Variants in SLIT3 observed in about 807,000 individuals in gnomAD.
The protein encoded by SLIT3 is slit homolog 3 protein.
SLIT3 carries 68 observed loss-of-function variants against 184.0 expected under a neutral mutation model. The observed-to-expected ratio is 0.37, with a 90% CI of 0.30 to 0.45. SLIT3 has a LOEUF of 0.45. Ranked by LOEUF, SLIT3 falls within the 20% of genes least tolerant of loss-of-function variation. The pLI, the probability that SLIT3 is intolerant of heterozygous loss-of-function variation, is 1.00. For missense variants in SLIT3, 1,707 were observed against 2,026.0 expected, an observed-to-expected ratio of 0.84 and a Z score of 3.02; for synonymous variants, 831 against 828.6, an observed-to-expected ratio of 1.00 and a Z score of -0.05.
At chr5:169,064,740 A>C (rs1455352191) in intron 4 of SLIT3, among the ~76,000 whole-genome samples, 1 of 152,194 alleles carries the variant, frequency 6.6e-6, no homozygotes, top group African/African-American at 2.4e-5. Context: ...GATTTCCTTC[A>C]ATATTGATTC....
intron 3 of SLIT3, among the ~76,000 whole-genome samples, chr5:169,214,653 C>T (rs1764379195): frequency 6.6e-6 from 1 of 152,138 alleles, no homozygotes; most frequent in Non-Finnish European, 1.5e-5. Flanking sequence ...ACGGAGACTC[C>T]CTAATTGTCT....
chr5:169,203,430 C>T (rs1009559020), intron 3 of SLIT3, among the ~76,000 whole-genome samples: 1 of 151,344 alleles, frequency 6.6e-6, no homozygotes, highest in African/African-American at 2.4e-5. Context: ...TCATTTATAA[C>T]TTCAGAGCTG....
intron 4 of SLIT3, among the ~76,000 whole-genome samples, chr5:169,137,418 G>A (rs1009301405): frequency 6.6e-6 from 1 of 151,672 alleles, no homozygotes; most frequent in African/African-American, 2.4e-5. Flanking sequence ...GATCCCTGAG[G>A]AGGCCTCAGG....
intron 28 of SLIT3, among the ~76,000 whole-genome samples, chr5:168,694,244 C>A (rs1761987812): frequency 6.6e-6 from 1 of 152,102 alleles, no homozygotes; most frequent in Admixed American, 6.5e-5. Context: ...TCAGTTCAAG[C>A]CCCTCCCCTG....
intron 32 of SLIT3, among the ~76,000 whole-genome samples, chr5:168,675,585 A>T (rs1026850132): frequency 1.3e-5 from 2 of 152,214 alleles, no homozygotes; most frequent in Admixed American, 1.3e-4. Context: ...GTAACCAGGC[A>T]TGCTGGCATG....
At chr5:169,107,117 C>T (rs1363332367) in intron 4 of SLIT3, among the ~76,000 whole-genome samples, 4 of 152,222 alleles carry the variant, frequency 2.6e-5, no homozygotes, top group Non-Finnish European at 4.4e-5. Context: ...TAACACTGAG[C>T]AGGCTCCACA....
intron 3 of SLIT3, among the ~76,000 whole-genome samples, chr5:169,210,835 C>G (rs1031446992): frequency 6.6e-6 from 1 of 152,246 alleles, no homozygotes; most frequent in Non-Finnish European, 1.5e-5. Context: ...TAGAATTATA[C>G]ACCCAAGGGT....
chr5:168,722,646 G>A (rs1561894009), intron 22 of SLIT3, among the ~76,000 whole-genome samples: 1 of 152,202 alleles, frequency 6.6e-6, no homozygotes, highest in Non-Finnish European at 1.5e-5. Context: ...ATATAATTGT[G>A]TAGGAAAACC....
At chr5:169,115,801 C>G (rs1334863782) in intron 4 of SLIT3, among the ~76,000 whole-genome samples, 1 of 152,166 alleles carries the variant, frequency 6.6e-6, no homozygotes, top group Non-Finnish European at 1.5e-5. Context: ...TGAAGGAGCT[C>G]GCCTGTGGTT....
At chr5:169,008,630 T>A (rs1756021391) in intron 4 of SLIT3, among the ~76,000 whole-genome samples, 1 of 152,156 alleles carries the variant, frequency 6.6e-6, no homozygotes, top group Non-Finnish European at 1.5e-5. Flanking sequence ...TCTCACCATC[T>A]GTTTTGTTGT....
At chr5:168,794,689 C>T (rs1428844661) in intron 10 of SLIT3, among the ~76,000 whole-genome samples, 2 of 152,160 alleles carry the variant, frequency 1.3e-5, no homozygotes, top group African/African-American at 2.4e-5. Flanking sequence ...AAAGTCTGTA[C>T]CACGGTAAAG....
At chr5:168,822,028 AT>A (rs1454343992) in intron 7 of SLIT3, among the ~76,000 whole-genome samples, 1 of 152,122 alleles carries the variant, frequency 6.6e-6, no homozygotes, top group East Asian at 1.9e-4. Context: ...TGAAAAACAG[AT>A]TGCTGGGTGC....
intron 4 of SLIT3, among the ~76,000 whole-genome samples, chr5:169,003,754 C>A (rs910172244): frequency 6.6e-6 from 1 of 152,150 alleles, no homozygotes; most frequent in African/African-American, 2.4e-5. Context: ...AGGCTTCTTG[C>A]CAGATATAAC....
chr5:169,069,750 T>C (rs1758477314), intron 4 of SLIT3, among the ~76,000 whole-genome samples: 1 of 150,498 alleles, frequency 6.6e-6, no homozygotes, highest in East Asian at 2.0e-4. Flanking sequence ...GGTAGGGAGG[T>C]GGACAGACAG....
chr5:169,030,025 G>C (rs1050133409), intron 4 of SLIT3, among the ~76,000 whole-genome samples: 1 of 152,204 alleles, frequency 6.6e-6, no homozygotes, highest in Non-Finnish European at 1.5e-5. Flanking sequence ...CTTTTGGAAA[G>C]AGGGGAGCTA....
chr5:169,158,599 G>A (rs1006114547), intron 4 of SLIT3, among the ~76,000 whole-genome samples: 2 of 152,134 alleles, frequency 1.3e-5, no homozygotes, highest in Non-Finnish European at 2.9e-5. Context: ...TATGTTTGGT[G>A]ATTAAAGCAA....
intron 4 of SLIT3, among the ~76,000 whole-genome samples, chr5:169,000,269 G>A (rs939619844): frequency 1.7e-4 from 26 of 151,742 alleles, no homozygotes; most frequent in African/African-American, 6.3e-4. Flanking sequence ...GTGTGTGCCT[G>A]CAGTCCCAGC....
intron 4 of SLIT3, among the ~76,000 whole-genome samples, chr5:169,093,965 T>C (rs1257168607): frequency 6.6e-6 from 1 of 152,178 alleles, no homozygotes; most frequent in Non-Finnish European, 1.5e-5. Context: ...TTGTTAAGAG[T>C]ATACTATGTT....
chr5:169,170,186 C>T (rs879387786), intron 4 of SLIT3, among the ~76,000 whole-genome samples: 1 of 152,218 alleles, frequency 6.6e-6, no homozygotes, highest in Non-Finnish European at 1.5e-5. Flanking sequence ...CCTCCACACC[C>T]ACTGGCTTTC....
Sources: allele counts gnomAD v4.1 joint callset (sites outside exome capture counted in the v4.1 genomes callset), GRCh38; gene constraint gnomAD v4.1.1; transcripts MANE v1.5; gene names NCBI Gene and HGNC (gene_info 2026-07-23, HGNC 2026-07-21).